The following ATF6 variants were observed in gnomAD, a reference collection of about 807,000 sequenced individuals.
ATF6 encodes the protein cyclic AMP-dependent transcription factor ATF-6 alpha.
A neutral mutation model predicts 83.6 loss-of-function variants in ATF6; 53 were observed. The observed-to-expected ratio is 0.63, with a 90% CI of 0.51 to 0.80. The LOEUF is 0.80. ATF6 is among the 30% of genes least tolerant of loss of function. The probability of loss-of-function intolerance (pLI) is 0.00; values close to 1 mark genes in which losing one functional copy is unlikely to be tolerated. For missense variants in ATF6, 744 were observed against 797.9 expected, an observed-to-expected ratio of 0.93 and a Z score of 0.81; for synonymous variants, 288 against 285.8, an observed-to-expected ratio of 1.01 and a Z score of -0.08.
intron 14 of ATF6, among the ~76,000 whole-genome samples, chr1:161,909,891 G>T (rs1311457117): frequency 6.6e-6 from 1 of 152,228 alleles, no homozygotes; most frequent in Non-Finnish European, 1.5e-5. Flanking sequence ...GGGAGGCGGA[G>T]CTTGCAGTGA....
intron 6 of ATF6, 50 bp downstream of exon 6, chr1:161,792,377 G>A: frequency 1.3e-6 from 2 of 1,518,944 alleles, no homozygotes; most frequent in Non-Finnish European, 1.8e-6. Context: ...AGGGCAGTAA[G>A]GGTTGTGTCA....
chr1:161,878,264 C>T (rs1687258315), intron 14 of ATF6, among the ~76,000 whole-genome samples: 1 of 152,076 alleles, frequency 6.6e-6, no homozygotes, highest in Non-Finnish European at 1.5e-5. Flanking sequence ...CAAGTGTTTG[C>T]CACCACACCT....
In ATF6 at chr1:161,792,191, A is replaced by G. The variant is rs746523612; in HGVS notation, c.552A>G (p.Leu184=). The G allele has an allele frequency of 1.9e-6, 3 of 1,614,142 alleles. No homozygotes were observed. Among genetic ancestry groups the G allele is most frequent in the Non-Finnish European group, 1.7e-6 (2 of 1,180,012 alleles). Residue 184 remains leucine (L), a synonymous_variant, in exon 6 of 16, where the codon TTA becomes TTG. Transcript: ENST00000367942. ...AACCTTCAATTCAGCCCAAGCCTTT[A>G]TTGCTTCCAGCAGCACCCAAGACTC... ...NSKPSIQPKP[L]LLPAAPKTQT...
chr1:161,777,508 T>G (rs1402723954), intron 1 of ATF6, among the ~76,000 whole-genome samples: 1 of 152,212 alleles, frequency 6.6e-6, no homozygotes, highest in Non-Finnish European at 1.5e-5. Flanking sequence ...GAAGACCTAG[T>G]TTTGAAAAAC....
chr1:161,839,129 G>C (rs1054144757), intron 9 of ATF6, among the ~76,000 whole-genome samples: 1 of 152,118 alleles, frequency 6.6e-6, no homozygotes, highest in Non-Finnish European at 1.5e-5. Flanking sequence ...TGTAGATCTT[G>C]ACAAGAGGCA....
Position 161,839,932 on chromosome 1 carries a change from G to C in ATF6, c.1188-6517G>C, listed in dbSNP as rs568665299. The C allele has an allele frequency of 2.0e-5, 3 of 152,334 alleles. No individual in the cohort carries two copies. In the East Asian group the frequency reaches 5.8e-4, roughly 29 times the overall value. 9.4% of individuals were successfully genotyped at this position (152,334 alleles called of 1,614,324 possible). A position where few individuals can be genotyped will look rare whatever the true frequency, so the allele number is the denominator to read the frequency against. On this transcript the variant is annotated intron_variant, in intron 9 of 15. Coordinates refer to ENST00000367942, the MANE Select transcript of ATF6 (RefSeq NM_007348.4). Reference sequence around the variant, plus strand: ...AGAGGTCAATTGAGGTAAGACTTCTGTCGTTTTAAAGATTTGGGCTTTTAC... The same window carrying C: ...AGAGGTCAATTGAGGTAAGACTTCTCTCGTTTTAAAGATTTGGGCTTTTAC...
intron 11 of ATF6, among the ~76,000 whole-genome samples, chr1:161,852,718 T>A (rs897324499): frequency 2.0e-5 from 3 of 152,180 alleles, no homozygotes; most frequent in African/African-American, 7.2e-5. Context: ...GCTCAAGTGA[T>A]CCTCTTGCCT....
At chr1:161,895,364 G>A (rs146595820) in intron 14 of ATF6, among the ~76,000 whole-genome samples, 10 of 152,182 alleles carry the variant, frequency 6.6e-5, no homozygotes, top group Admixed American at 2.6e-4. Context: ...CTATTTGTGT[G>A]TGTTTTACTT....
intron 8 of ATF6, among the ~76,000 whole-genome samples, chr1:161,820,598 A>G (rs1231525461): frequency 6.6e-6 from 1 of 152,080 alleles, no homozygotes; most frequent in Non-Finnish European, 1.5e-5. Context: ...TAAAAATACA[A>G]AAGTTAGCTG....
In ATF6 at chr1:161,802,160, C is replaced by G; in HGVS notation, c.797C>G (p.Pro266Arg). 1 of 1,614,106 alleles carries G rather than the reference C, an allele frequency of 6.2e-7. No homozygotes were observed. Among genetic ancestry groups the G allele is most frequent in the Non-Finnish European group, 8.5e-7 (1 of 1,180,004 alleles). Residue 266 changes from proline to arginine, a missense_variant, in exon 7 of 16, where the codon CCT becomes CGT. Physicochemically the swap from Pro to Arg is moderately radical, Grantham distance 103. Coordinates refer to ENST00000367942, the MANE Select transcript of ATF6 (RefSeq NM_007348.4). ...LAVAGGVTQLPNHVVNVVPAP... is the reference protein window; with the variant it reads ...LAVAGGVTQLRNHVVNVVPAP... ...GTTGCTGGGGGAGTCACACAGCTCC[C>G]TAATCACGTGGTGAATGTGGTACCA...
At chr1:161,956,394 C>T (rs907025472) in intron 15 of ATF6, among the ~76,000 whole-genome samples, 4 of 152,164 alleles carry the variant, frequency 2.6e-5, no homozygotes, top group Non-Finnish European at 4.4e-5. Context: ...GAAATCTGAA[C>T]TTAGTCACGT....
At chr1:161,888,168 C>CGAAATAAACGAAAATA (rs1687468827) in intron 14 of ATF6, among the ~76,000 whole-genome samples, 1 of 152,130 alleles carries the variant, frequency 6.6e-6, no homozygotes, top group Non-Finnish European at 1.5e-5. Flanking sequence ...TATCATCAGA[C>CGAAATAAACGAAAATA]AACGAAAGAA....
chr1:161,851,685 G>A, intron 10 of ATF6, 37 bp from the exon 11 acceptor site: 1 of 1,457,938 alleles, frequency 6.9e-7, no homozygotes, highest in Non-Finnish European at 9.6e-7. Context: ...AGGAATTTAA[G>A]ATACAAGGAA....
At chr1:161,888,011 G>A (rs1183333410) in intron 14 of ATF6, among the ~76,000 whole-genome samples, 7 of 152,146 alleles carry the variant, frequency 4.6e-5, no homozygotes, top group African/African-American at 1.4e-4. Flanking sequence ...GATTGCTGAC[G>A]TCTATGAGGG....
At chr1:161,951,261 T>C (rs1287294881) in intron 15 of ATF6, among the ~76,000 whole-genome samples, 1 of 152,204 alleles carries the variant, frequency 6.6e-6, no homozygotes, top group Non-Finnish European at 1.5e-5. Context: ...GTGACTTTGA[T>C]TGTGTTTTAG....
At chr1:161,866,107 T>C (rs1380577389) in intron 14 of ATF6, among the ~76,000 whole-genome samples, 1 of 152,218 alleles carries the variant, frequency 6.6e-6, no homozygotes, top group Non-Finnish European at 1.5e-5. Flanking sequence ...TTATAATTGA[T>C]ACTACATTGG....
rs191416123 is a variant in ATF6, at chr1:161,834,248, G to T, written c.1188-12201G>T. Among the ~76,000 whole-genome samples the T allele has an allele frequency of 1.2e-3, 185 of 152,178 alleles. 1 individual carries two copies. Among genetic ancestry groups the T allele is most frequent in the Admixed American group, 1.6e-3 (24 of 15,288 alleles). ...ACCAGGCCTGCCCTACAAGAGCTCC[G>T]GAAGGAAGCACTAAACATGGAAAGG... On this transcript the variant is annotated intron_variant, in intron 9 of 15. Transcript: ENST00000367942.
intron 9 of ATF6, among the ~76,000 whole-genome samples, chr1:161,830,647 G>A (rs367727306): frequency 8.5e-5 from 13 of 152,084 alleles, no homozygotes; most frequent in South Asian, 4.1e-4. Flanking sequence ...AATACCACAC[G>A]TCTACAACCA....
chr1:161,867,806 A>G (rs1341587374), intron 14 of ATF6, among the ~76,000 whole-genome samples: 3 of 152,246 alleles, frequency 2.0e-5, no homozygotes, highest in Admixed American at 2.0e-4. Flanking sequence ...ATTACAGAAG[A>G]ATCTGAGCTA....
Sources: allele counts gnomAD v4.1 joint callset (sites outside exome capture counted in the v4.1 genomes callset), GRCh38; gene constraint gnomAD v4.1.1; transcripts MANE v1.5; gene names NCBI Gene and HGNC (gene_info 2026-07-23, HGNC 2026-07-21).